SLIT3: variants seen among roughly 807,000 people sequenced by gnomAD.
SLIT3 encodes the protein slit homolog 3 protein.
In SLIT3, 68 loss-of-function variants were observed where a neutral mutation model predicts 184.0. The observed-to-expected ratio is 0.37, with a 90% CI of 0.30 to 0.45. SLIT3 has a LOEUF of 0.45. Ranked by LOEUF, SLIT3 falls within the 20% of genes least tolerant of loss-of-function variation. The pLI, the probability that SLIT3 is intolerant of heterozygous loss-of-function variation, is 1.00. For synonymous variants in SLIT3, 831 were observed against 828.6 expected (o/e 1.00, Z -0.05); for missense variants, 1,707 against 2,026.0 (o/e 0.84, Z 3.02).
At chr5:168,820,669 G>T (rs895311574) in intron 7 of SLIT3, among the ~76,000 whole-genome samples, 5 of 152,194 alleles carry the variant, frequency 3.3e-5, no homozygotes, top group African/African-American at 1.2e-4. Context: ...GGTGGGTCCT[G>T]CATGTTGTTC....
chr5:168,712,541 TGGAG>T (rs1193382036), intron 23 of SLIT3, 187 bp from the exon 24 acceptor site: 4 of 603,972 alleles, frequency 6.6e-6, no homozygotes, highest in African/African-American at 1.8e-5. Flanking sequence ...GCAGCAAGGA[TGGAG>T]GGAGTAGAGG....
chr5:168,885,167 A>G (rs1460871341), intron 4 of SLIT3, among the ~76,000 whole-genome samples: 1 of 152,154 alleles, frequency 6.6e-6, no homozygotes, highest in African/African-American at 2.4e-5. Flanking sequence ...AAACTTGACG[A>G]TCATCTGGGG....
intron 4 of SLIT3, among the ~76,000 whole-genome samples, chr5:168,927,066 T>C (rs1477900924): frequency 6.6e-6 from 1 of 152,174 alleles, no homozygotes; most frequent in Non-Finnish European, 1.5e-5. Context: ...GAAGAGATAT[T>C]TGCATACCAA....
chr5:168,803,977 A>G (rs1756860600), intron 9 of SLIT3, among the ~76,000 whole-genome samples: 1 of 151,340 alleles, frequency 6.6e-6, no homozygotes, highest in Non-Finnish European at 1.5e-5. Flanking sequence ...AGGGCAAGGG[A>G]GAGAAGGGGA....
intron 19 of SLIT3, among the ~76,000 whole-genome samples, chr5:168,749,019 T>A (rs1475588770): frequency 6.6e-6 from 1 of 152,198 alleles, no homozygotes. Flanking sequence ...CATGAGTACA[T>A]ACTGAGTCTC....
chr5:169,086,590 A>G (rs1350334976), intron 4 of SLIT3, among the ~76,000 whole-genome samples: 1 of 152,232 alleles, frequency 6.6e-6, no homozygotes, highest in Non-Finnish European at 1.5e-5. Flanking sequence ...TCACTACAGC[A>G]AAGATGAAAT....
At chr5:168,923,056 T>G (rs1457043069) in intron 4 of SLIT3, among the ~76,000 whole-genome samples, 1 of 152,100 alleles carries the variant, frequency 6.6e-6, no homozygotes, top group Non-Finnish European at 1.5e-5. Context: ...CTTGACTAGA[T>G]GGGAGCAGAG....
At chr5:169,049,192 T>C (rs1169117076) in intron 4 of SLIT3, among the ~76,000 whole-genome samples, 3 of 152,288 alleles carry the variant, frequency 2.0e-5, no homozygotes, top group African/African-American at 2.4e-5. Context: ...CTGGCCCCAG[T>C]ATACAAAAAG....
chr5:169,102,856 A>T (rs1171909936), intron 4 of SLIT3, among the ~76,000 whole-genome samples: 1 of 152,204 alleles, frequency 6.6e-6, no homozygotes, highest in Non-Finnish European at 1.5e-5. Context: ...TATCTGACGA[A>T]ATACCTGAGC....
chr5:169,283,892 A>G (rs1767071852), intron 1 of SLIT3, among the ~76,000 whole-genome samples: 1 of 152,174 alleles, frequency 6.6e-6, no homozygotes, highest in African/African-American at 2.4e-5. Flanking sequence ...AAAAACAGAA[A>G]AGGTAAGGTT....
chr5:168,988,777 C>CCT (rs145983313), intron 4 of SLIT3, among the ~76,000 whole-genome samples: 6,002 of 152,226 alleles, frequency 0.039, 158 homozygotes, highest in Non-Finnish European at 0.057. Flanking sequence ...TAGGAGACCC[C>CCT]CCCCCAGGGG....
chr5:168,975,011 CAT>C (rs1754700376), intron 4 of SLIT3, among the ~76,000 whole-genome samples: 1 of 152,192 alleles, frequency 6.6e-6, no homozygotes, highest in African/African-American at 2.4e-5. Flanking sequence ...ATCGACCACA[CAT>C]AACCACAGCA....
At chr5:168,932,995 G>A (rs888918987) in intron 4 of SLIT3, among the ~76,000 whole-genome samples, 3 of 152,164 alleles carry the variant, frequency 2.0e-5, no homozygotes, top group African/African-American at 7.2e-5. Flanking sequence ...ATACTGGCAA[G>A]CATACCAGGG....
At chr5:169,008,110 A>G (rs1210294454) in intron 4 of SLIT3, among the ~76,000 whole-genome samples, 1 of 152,214 alleles carries the variant, frequency 6.6e-6, no homozygotes, top group African/African-American at 2.4e-5. Context: ...TGATAATTTT[A>G]TTCTTCTCTT....
chr5:169,140,723 C>T (rs1337002026), intron 4 of SLIT3, among the ~76,000 whole-genome samples: 3 of 151,980 alleles, frequency 2.0e-5, no homozygotes, highest in African/African-American at 2.4e-5. Context: ...TCTCTTGAGT[C>T]CAGAAGGTCT....
chr5:168,915,699 C>T (rs1260563848), intron 4 of SLIT3, among the ~76,000 whole-genome samples: 1 of 151,914 alleles, frequency 6.6e-6, no homozygotes, highest in Non-Finnish European at 1.5e-5. Flanking sequence ...TTTATACTTA[C>T]AGCATACCTT....
At chr5:168,683,369 CAAA>C (rs59868617) in intron 32 of SLIT3, among the ~76,000 whole-genome samples, 1 of 104,790 alleles carries the variant, frequency 9.5e-6, no homozygotes. Context: ...AACTCCATCT[CAAA>C]AAAAAAAAAA....
At chr5:168,735,583 C>T (rs758426993) in intron 20 of SLIT3, among the ~76,000 whole-genome samples, 3 of 151,824 alleles carry the variant, frequency 2.0e-5, no homozygotes. Context: ...TCTCTGTGAA[C>T]AGTTCTCAGA....
intron 32 of SLIT3, among the ~76,000 whole-genome samples, chr5:168,673,867 T>C (rs1561867797): frequency 6.6e-6 from 1 of 151,078 alleles, no homozygotes; most frequent in Non-Finnish European, 1.5e-5. Flanking sequence ...TATTATTTCA[T>C]AGAGTTAAGC....
Sources: allele counts gnomAD v4.1 joint callset (sites outside exome capture counted in the v4.1 genomes callset), GRCh38; gene constraint gnomAD v4.1.1; transcripts MANE v1.5; gene names NCBI Gene and HGNC (gene_info 2026-07-23, HGNC 2026-07-21).